CDH12: variants seen among roughly 807,000 people sequenced by gnomAD.
CDH12 encodes the protein cadherin-12.
Under a neutral mutation model 74.1 loss-of-function variants are expected in CDH12, and 41 were observed. The ratio of observed to expected loss-of-function variants is 0.55; its 90% CI spans 0.43 to 0.72. The LOEUF is 0.72. Among genes scored for constraint, CDH12 ranks in the 30% least tolerant of loss-of-function variants. CDH12 has a pLI of 0.00. For synonymous variants in CDH12, 399 were observed against 355.0 expected (o/e 1.12, Z -1.39); for missense variants, 945 against 977.2 (o/e 0.97, Z 0.44).
intron 4 of CDH12, among the ~76,000 whole-genome samples, chr5:22,124,582 G>T (rs185517363): frequency 1.3e-5 from 2 of 152,086 alleles, no homozygotes; most frequent in Non-Finnish European, 2.9e-5. Flanking sequence ...GATGGCATGT[G>T]GTCTTTGGAA....
intron 8 of CDH12, among the ~76,000 whole-genome samples, chr5:21,833,772 A>T (rs1561226651): frequency 6.6e-6 from 1 of 151,738 alleles, no homozygotes; most frequent in Non-Finnish European, 1.5e-5. Context: ...TAGATTTCTT[A>T]GGTCCAAGCT....
Position 21,931,775 on chromosome 5 carries a change from T to G in CDH12, c.526+43316A>C, listed in dbSNP as rs147049849. ...ATGGTTGGATTTTCCTTCCTAAACC[T>G]TTTCTTGATTTTGTGTACTAAGACT... On this transcript the variant is annotated intron_variant, in intron 6 of 14. Coordinates refer to ENST00000382254, the MANE Select transcript of CDH12 (RefSeq NM_004061.5). Among the ~76,000 whole-genome samples, 575 of 152,298 alleles carry G rather than the reference T, an allele frequency of 3.8e-3. 8 individuals are homozygous for G. The highest frequency in any genetic ancestry group is 0.013 in the African/African-American group (545 of 41,570).
intron 3 of CDH12, among the ~76,000 whole-genome samples, chr5:22,246,459 T>G (rs1476851795): frequency 6.6e-6 from 1 of 152,146 alleles, no homozygotes; most frequent in Admixed American, 6.5e-5. Context: ...AATTTCAGCT[T>G]TATTCTACTG....
At chr5:22,153,171 TTTTTTTCTTTTC>T (rs1747719342) in intron 4 of CDH12, among the ~76,000 whole-genome samples, 1 of 134,188 alleles carries the variant, frequency 7.5e-6, no homozygotes, top group Non-Finnish European at 1.7e-5. Context: ...TTTCTTTTCG[TTTTTTTCTTTTC>T]TTTTTTTTTT....
At chr5:21,807,341 G>A (rs1482599040) in intron 9 of CDH12, among the ~76,000 whole-genome samples, 1 of 152,122 alleles carries the variant, frequency 6.6e-6, no homozygotes, top group Non-Finnish European at 1.5e-5. Context: ...ACTGACCTGA[G>A]TAACAACTCT....
rs1580286440 is a variant in CDH12 at position 22,123,463 on chromosome 5, C to T, written c.-186-44601G>A. The stretch of plus-strand genomic sequence containing the variant: ...TTTCTATGAAAAAGTCTGACTAATT[C>T]GGGAAGTCAAGATGACAAATCCAAA... On this transcript the variant is annotated intron_variant, in intron 4 of 14. Transcript: ENST00000382254. 2.0e-5 allele frequency among the ~76,000 whole-genome samples: 3 copies of T among 152,188 alleles called. No individual in the cohort carries two copies. In the South Asian group the frequency reaches 6.2e-4, roughly 32 times the overall value.
At chr5:22,744,825 G>A (rs558143410) in intron 1 of CDH12, among the ~76,000 whole-genome samples, 7 of 152,036 alleles carry the variant, frequency 4.6e-5, no homozygotes, top group South Asian at 4.2e-4. Context: ...ATGATAGAGT[G>A]CCCTTACCAG....
At chr5:22,293,527 T>C (rs1737493455) in intron 3 of CDH12, among the ~76,000 whole-genome samples, 2 of 152,292 alleles carry the variant, frequency 1.3e-5, no homozygotes, top group Middle Eastern at 3.4e-3. Flanking sequence ...CTCATTTTTA[T>C]TGAAGCATTA....
At chr5:22,010,528 C>G (rs901349530) in intron 5 of CDH12, among the ~76,000 whole-genome samples, 9 of 152,280 alleles carry the variant, frequency 5.9e-5, no homozygotes, top group African/African-American at 2.2e-4. Flanking sequence ...GTTCCCAGAA[C>G]CAATTATATC....
chr5:22,261,023 T>C (rs1753487751), intron 3 of CDH12, among the ~76,000 whole-genome samples: 1 of 151,398 alleles, frequency 6.6e-6, no homozygotes, highest in South Asian at 2.1e-4. Flanking sequence ...TATGTGTATA[T>C]ATACATACTA....
At chr5:22,782,223 G>A (rs1385473902) in intron 1 of CDH12, among the ~76,000 whole-genome samples, 1 of 152,124 alleles carries the variant, frequency 6.6e-6, no homozygotes. Flanking sequence ...AAAAGAACAT[G>A]AGATTTGGGA....
chr5:22,462,475 A>T (rs1356386558), intron 2 of CDH12, among the ~76,000 whole-genome samples: 1 of 152,168 alleles, frequency 6.6e-6, no homozygotes, highest in African/African-American at 2.4e-5. Flanking sequence ...CAACTAAAAA[A>T]CTACCATTTG....
chr5:22,401,055 T>C (rs2126447218), intron 3 of CDH12, among the ~76,000 whole-genome samples: 1 of 152,314 alleles, frequency 6.6e-6, no homozygotes, highest in Admixed American at 6.5e-5. Flanking sequence ...AAAGCCATTA[T>C]TATATCTGCA....
At chr5:22,815,629 G>A (rs28439636) in intron 1 of CDH12, among the ~76,000 whole-genome samples, 2 of 151,616 alleles carry the variant, frequency 1.3e-5, no homozygotes, top group African/African-American at 2.4e-5. Flanking sequence ...AATTAGCCGG[G>A]CATGGTGGTG....
At chr5:21,967,018 T>G (rs1294191809) in intron 6 of CDH12, among the ~76,000 whole-genome samples, 2 of 152,036 alleles carry the variant, frequency 1.3e-5, no homozygotes, top group Non-Finnish European at 2.9e-5. Context: ...CCTGAATCAG[T>G]GGGTATAATT....
intron 8 of CDH12, among the ~76,000 whole-genome samples, chr5:21,830,435 C>T (rs1020855568): frequency 3.3e-5 from 5 of 151,930 alleles, no homozygotes; most frequent in African/African-American, 1.2e-4. Flanking sequence ...CTCCCAGAAG[C>T]ACAGTATATT....
intron 1 of CDH12, among the ~76,000 whole-genome samples, chr5:22,751,910 T>C (rs1187661373): frequency 2.0e-5 from 3 of 152,152 alleles, no homozygotes; most frequent in Non-Finnish European, 4.4e-5. Context: ...TACATAAACA[T>C]CTATTTCGGC....
chr5:22,011,046 T>G (rs1383779258), intron 5 of CDH12, among the ~76,000 whole-genome samples: 4 of 152,096 alleles, frequency 2.6e-5, no homozygotes, highest in African/African-American at 9.7e-5. Flanking sequence ...GGATTTGCAA[T>G]TAACACACAA....
chr5:21,958,100 C>T (rs892416601), intron 6 of CDH12, among the ~76,000 whole-genome samples: 1 of 152,062 alleles, frequency 6.6e-6, no homozygotes, highest in Non-Finnish European at 1.5e-5. Flanking sequence ...TTATGAGGGG[C>T]TCTTCCCAGC....
Sources: allele counts gnomAD v4.1 joint callset (sites outside exome capture counted in the v4.1 genomes callset), GRCh38; gene constraint gnomAD v4.1.1; transcripts MANE v1.5; gene names NCBI Gene and HGNC (gene_info 2026-07-23, HGNC 2026-07-21).